The following ENPP2 variants were observed in gnomAD, a reference collection of about 807,000 sequenced individuals.
ENPP2 encodes autotaxin.
In ENPP2, 51 loss-of-function variants were observed where a neutral mutation model predicts 120.2. That is an observed-to-expected ratio of 0.42 (90% confidence interval 0.34 to 0.54). The LOEUF is 0.54. Ranked by LOEUF, ENPP2 falls within the 20% of genes least tolerant of loss-of-function variation. The probability of loss-of-function intolerance (pLI) is 0.04; values close to 1 mark genes in which losing one functional copy is unlikely to be tolerated. For synonymous variants in ENPP2, 365 were observed against 366.4 expected (o/e 1.00, Z 0.04); for missense variants, 920 against 1,066.5 (o/e 0.86, Z 1.91).
At position 119,603,839 on chromosome 8, in the gene ENPP2, T is replaced by C. The variant is rs191630397; in HGVS notation, c.834-2377A>G. Among the ~76,000 whole-genome samples, 693 of 152,220 alleles carry C rather than the reference T, an allele frequency of 4.6e-3. 5 individuals carry two copies. Among genetic ancestry groups the C allele is most frequent in the Non-Finnish European group, 7.7e-3 (526 of 68,018 alleles). The stretch of plus-strand genomic sequence containing the variant: ...AAAGACTATTATGGAGGGGTCGTCA[T>C]TTTCTTGGGGGAAAGATAAGCAAGT... On this transcript the variant is annotated intron_variant, in intron 9 of 24. Coordinates refer to ENST00000075322, the MANE Select transcript of ENPP2 (RefSeq NM_001040092.3).
exon 1 of ENPP2, chr8:119,673,361 C>A (rs1818313401): frequency 6.9e-7 from 1 of 1,454,716 alleles, no homozygotes; most frequent in African/African-American, 1.4e-5. Flanking sequence ...GTGCTCGGGA[C>A]GGCTGCTGCG....
chr8:119,602,601 G>C (rs1195799690), intron 9 of ENPP2, among the ~76,000 whole-genome samples: 2 of 152,072 alleles, frequency 1.3e-5, no homozygotes, highest in Non-Finnish European at 2.9e-5. Context: ...AGCTTTAAGG[G>C]CTCTAAGGCC....
rs150891620 is a variant in ENPP2, at chr8:119,565,313, T to C, written c.2132-358A>G. 3.0e-3 allele frequency among the ~76,000 whole-genome samples: 452 copies of C among 152,168 alleles called. 2 individuals carry two copies. The highest frequency in any genetic ancestry group is 4.6e-3 in the Non-Finnish European group (311 of 68,016). ...ATGTGCAAAAGAGGAAGTATGGTGT[T>C]TCAGAGTAATGAAAATAAGGCCTTA... is the stretch of plus-strand genomic sequence containing the variant. On this transcript the variant is annotated intron_variant, in intron 22 of 24. Transcript: ENST00000075322.
At chr8:119,568,118 A>G in intron 22 of ENPP2, 57 bp downstream of exon 22, 1 of 922,176 alleles carries the variant, frequency 1.1e-6, no homozygotes, top group Non-Finnish European at 1.8e-6. Flanking sequence ...GTAAGGGGTA[A>G]ATTTAGAAAT....
chr8:119,603,401 C>T (rs1375580445), intron 9 of ENPP2, among the ~76,000 whole-genome samples: 2 of 152,150 alleles, frequency 1.3e-5, no homozygotes, highest in South Asian at 2.1e-4. Context: ...GCTCAGAATG[C>T]TCACCCCTGA....
intron 2 of ENPP2, among the ~76,000 whole-genome samples, chr8:119,637,788 T>C (rs930622808): frequency 7.2e-5 from 11 of 152,216 alleles, no homozygotes; most frequent in South Asian, 6.2e-4. Flanking sequence ...ACACTACTTA[T>C]GGTGTAGTGT....
chr8:119,580,342 G>T, intron 18 of ENPP2, 175 bp from the exon 19 acceptor site: 1 of 639,656 alleles, frequency 1.6e-6, no homozygotes, highest in Admixed American at 2.7e-5. Context: ...GACATTCTGG[G>T]CTCCACCTCT....
chr8:119,600,543 T>C (rs1814224158), intron 11 of ENPP2, 135 bp downstream of exon 11: 9 of 583,334 alleles, frequency 1.5e-5, no homozygotes, highest in Non-Finnish European at 2.7e-5. Context: ...TTTTTAGTCT[T>C]GTAGTTATTT....
rs547797299 is a variant in ENPP2, at chr8:119,670,518, C to T, written c.21+2734G>A. 2.0e-5 allele frequency among the ~76,000 whole-genome samples: 3 copies of T among 152,192 alleles called. No individual in the cohort carries two copies. The South Asian group carries it at 6.2e-4, about 32-fold the overall frequency. On this transcript the variant is annotated intron_variant, in intron 1 of 25. Coordinates refer to the ENPP2 transcript ENST00000427067. ...CATACTAAGACAAAAAGAGTTGATC[C>T]CTAAGGACTGGTGTGGGATGGACAA...
intron 10 of ENPP2, 123 bp from the exon 11 acceptor site, chr8:119,600,873 A>C: frequency 1.5e-6 from 1 of 649,146 alleles, no homozygotes; most frequent in Non-Finnish European, 2.7e-6. Flanking sequence ...TTTAACTACT[A>C]TTCATGTTAG....
chr8:119,586,089 AT>A, intron 15 of ENPP2, 96 bp downstream of exon 15: 2 of 1,342,626 alleles, frequency 1.5e-6, no homozygotes, highest in Non-Finnish European at 2.1e-6. Flanking sequence ...TCCAACTGAT[AT>A]TTCTTTCAGT....
Position 119,576,283 on chromosome 8 carries a change from G to A in ENPP2, c.1780+3833C>T, listed in dbSNP as rs540183264. On this transcript the variant is annotated intron_variant, in intron 19 of 24. Coordinates refer to ENST00000075322, the MANE Select transcript of ENPP2 (RefSeq NM_001040092.3). ...CTCCCTAGTAGCTGGGATTACAGGTGGATGCCACGATGCCCAGCTAATTTT... is the reference window on the plus strand; with the variant it reads ...CTCCCTAGTAGCTGGGATTACAGGTAGATGCCACGATGCCCAGCTAATTTT... Among the ~76,000 whole-genome samples, 144 of 152,258 alleles carry A rather than the reference G, an allele frequency of 9.5e-4. 1 individual carries two copies. The highest frequency in any genetic ancestry group is 1.7e-3 in the South Asian group (8 of 4,824).
chr8:119,571,026 C>T (rs1587349489), intron 19 of ENPP2, 185 bp from the exon 20 acceptor site: 4 of 409,480 alleles, frequency 9.8e-6, no homozygotes, highest in Middle Eastern at 6.1e-4. Flanking sequence ...ATCACCTAAC[C>T]ATGGGTCAAG....
chr8:119,628,191 T>C (rs1437944089), intron 2 of ENPP2, among the ~76,000 whole-genome samples: 1 of 152,058 alleles, frequency 6.6e-6, no homozygotes, highest in Non-Finnish European at 1.5e-5. Flanking sequence ...TGGGAGCCAA[T>C]CAGTAAGTAG....
intron 8 of ENPP2, among the ~76,000 whole-genome samples, chr8:119,614,836 C>G (rs1012611662): frequency 6.6e-6 from 1 of 152,120 alleles, no homozygotes. Context: ...ATAATCCACC[C>G]TGTCAACAAA....
Position 119,570,814 on chromosome 8 carries a change from G to T in ENPP2, c.1808C>A (p.Ala603Glu), listed in dbSNP as rs374077888. The T allele has an allele frequency of 1.3e-6, 2 of 1,574,286 alleles. No individual in the cohort carries two copies. The highest frequency in any genetic ancestry group is 1.7e-6 in the Non-Finnish European group (2 of 1,164,470). Residue 603 changes from alanine to glutamate, a missense_variant, in exon 20 of 25, where the codon GCA (alanine) becomes GAA (glutamate). Transcript: ENST00000075322. The stretch of plus-strand genomic sequence containing the variant: ...ATCATATCTAGTCCGATAAAGCACT[G>T]CAGGTCGCCCATAGAGGAGGTGTCT... ...EERHLLYGRP[A>E]VLYRTRYDIL... is the part of the protein sequence containing the mutation.
chr8:119,663,345 C>T (rs564425176), intron 1 of ENPP2, among the ~76,000 whole-genome samples: 21 of 152,274 alleles, frequency 1.4e-4, no homozygotes, highest in Non-Finnish European at 2.4e-4. Context: ...ATTATTAAGA[C>T]TCCACCCACA....
Position 119,586,188 on chromosome 8 carries a change from T to G in ENPP2, c.1365A>C (p.Ala455=), listed in dbSNP as rs778364558. 4 of 1,614,006 alleles carry G rather than the reference T, an allele frequency of 2.5e-6. No homozygotes were observed. In the Admixed American group the frequency reaches 6.7e-5, roughly 27 times the overall value. The change falls in exon 15 of 25, where the codon GCA becomes GCC. Residue 455 remains alanine, a splice_region_variant and synonymous_variant. Coordinates refer to ENST00000075322, the MANE Select transcript of ENPP2 (RefSeq NM_001040092.3). Reference sequence around the variant, plus strand: ...GAAATAGCCCATATACCAGTTACCTTGCAACATGCCATCTGCGTTCCACCA... The same window carrying G: ...GAAATAGCCCATATACCAGTTACCTGGCAACATGCCATCTGCGTTCCACCA... ...HLLVERRWHV[A]RKPLDVYKKP... is the part of the protein sequence containing the mutation.
At chr8:119,561,787 T>TG (rs1813953915) in intron 24 of ENPP2, among the ~76,000 whole-genome samples, 1 of 149,030 alleles carries the variant, frequency 6.7e-6, no homozygotes, top group African/African-American at 2.5e-5. Flanking sequence ...TGCTCTTGCT[T>TG]TGTGTGTGTG....
Sources: allele counts gnomAD v4.1 joint callset (sites outside exome capture counted in the v4.1 genomes callset), GRCh38; gene constraint gnomAD v4.1.1; transcripts MANE v1.5; gene names NCBI Gene and HGNC (gene_info 2026-07-23, HGNC 2026-07-21).